Variants in INPP1 observed in about 807,000 individuals in gnomAD.
INPP1 encodes inositol polyphosphate-1-phosphatase, also known as inositol polyphosphate 1-phosphatase.
In INPP1, 18 loss-of-function variants were observed where a neutral mutation model predicts 23.0. The observed-to-expected ratio is 0.78, with a 90% CI of 0.54 to 1.16. The LOEUF (loss-of-function observed/expected upper bound fraction) is 1.16, where lower values mean the gene tolerates loss of function less well. Among genes scored for constraint, INPP1 ranks in the 50% most tolerant of loss-of-function variants. The pLI, the probability that INPP1 is intolerant of heterozygous loss-of-function variation, is 0.00. For synonymous variants in INPP1, 164 were observed against 176.3 expected, an observed-to-expected ratio of 0.93 and a Z score of 0.55; for missense variants, 448 against 482.1, an observed-to-expected ratio of 0.93 and a Z score of 0.66.
Position 190,364,606 on chromosome 2 carries a change from T to TTTTTTG in INPP1, c.265+1919_265+1920insTTTTTG, listed in dbSNP as rs796196740. 4.2e-5 allele frequency among the ~76,000 whole-genome samples: 4 copies of TTTTTTG among 96,352 alleles called. 1 individual carries two copies. The highest frequency in any genetic ancestry group is 1.5e-4 in the Admixed American group (1 of 6,742). 63.2% of individuals were successfully genotyped at this position (96,352 alleles called of 152,430 possible). On this transcript the variant is annotated intron_variant, in intron 4 of 6. Coordinates refer to ENST00000392329, the MANE Select transcript of INPP1 (RefSeq NM_001128928.2). The stretch of plus-strand genomic sequence containing the variant: ...GAGGTTCTGATTTTTTTTTTTTTTT[T>TTTTTTG]GTTAGATGGAGTCTCCCTCTGTTGC...
chr2:190,359,934 C>T (rs1306251996), intron 2 of INPP1, 105 bp from the exon 3 acceptor site: 1 of 609,938 alleles, frequency 1.6e-6, no homozygotes, highest in African/African-American at 1.8e-5. Flanking sequence ...TAGCTGTTCA[C>T]CAGGCTGACC....
intron 1 of INPP1, 73 bp downstream of exon 1, chr2:190,344,034 G>T (rs1236499242): frequency 1.5e-5 from 5 of 333,706 alleles, no homozygotes; most frequent in South Asian, 4.4e-5. Flanking sequence ...TGGATCTGGG[G>T]CCCGGGCTGG....
chr2:190,362,558 A>G, intron 3 of INPP1, 69 bp from the exon 4 acceptor site: 1 of 876,286 alleles, frequency 1.1e-6, no homozygotes, highest in Non-Finnish European at 1.8e-6. Flanking sequence ...TATAAAATTG[A>G]AATCTGTTCA....
At chr2:190,359,577 GAA>G (rs1266625317) in intron 2 of INPP1, 1 of 144,632 alleles carries the variant, frequency 6.9e-6, no homozygotes, top group Admixed American at 6.8e-5. Context: ...AAAAAAGAAA[GAA>G]AAAAGAAAGT....
At chr2:190,358,810 A>C (rs1021230135) in intron 2 of INPP1, among the ~76,000 whole-genome samples, 4 of 152,244 alleles carry the variant, frequency 2.6e-5, no homozygotes, top group South Asian at 2.1e-4. Context: ...GTATGATAGC[A>C]TAACACTCTT....
At position 190,369,237 on chromosome 2, in the gene INPP1, A is replaced by G. The variant is rs1288269355; in HGVS notation, c.601A>G (p.Ile201Val). ...IQTGVPLMGV[I>V]NQPFVSRDPN... ...GACAGGGGTTCCCCTGATGGGAGTC[A>G]TCAATCAACCTTTTGTGTCACGAGA... is the stretch of plus-strand genomic sequence containing the variant. Residue 201 changes from isoleucine to valine, a missense_variant, in exon 6 of 7, where the codon ATC becomes GTC. Coordinates refer to ENST00000392329, the MANE Select transcript of INPP1 (RefSeq NM_001128928.2). The G allele has an allele frequency of 6.3e-7, 1 of 1,598,878 alleles. No individual in the cohort carries two copies. Among genetic ancestry groups the G allele is most frequent in the Non-Finnish European group, 8.6e-7 (1 of 1,168,536 alleles).
rs749160585 is a variant in INPP1 at position 190,370,952 on chromosome 2, C to T, written c.750C>T (p.Thr250=). 35 of 1,614,118 alleles carry T rather than the reference C, an allele frequency of 2.2e-5. No individual in the cohort carries two copies. Among genetic ancestry groups the T allele is most frequent in the Non-Finnish European group, 2.7e-5 (32 of 1,180,028 alleles). The change falls in exon 7 of 7, where the codon ACC becomes ACT. Residue 250 remains threonine (T), a synonymous_variant. Transcript: ENST00000392329. ...GCAGTGAAACACACACTGGAAACAC[C>T]GGCTCTGAGGCAGCATTCTCCCCCA... ...RNGSETHTGN[T]GSEAAFSPSF... is the part of the protein sequence containing the mutation.
At chr2:190,344,024 TG>T in intron 1 of INPP1, 63 bp downstream of exon 1, 2 of 337,156 alleles carry the variant, frequency 5.9e-6, no homozygotes, top group South Asian at 2.2e-5. Flanking sequence ...CCCTCCTCCT[TG>T]GATCTGGGGC....
chr2:190,369,996 A>G (rs957339539), intron 6 of INPP1, among the ~76,000 whole-genome samples: 12 of 152,354 alleles, frequency 7.9e-5, no homozygotes, highest in East Asian at 5.8e-4. Context: ...TTTAATAGTC[A>G]TAAGTTTATA....
Position 190,363,980 on chromosome 2 carries a change from G to A in INPP1, c.265+1293G>A, listed in dbSNP as rs553547662. ...AGATTTCCCTCTCAGTGGGATGGGA[G>A]GTCTCTGGCAAATTTCAAGCAAAGG... On this transcript the variant is annotated intron_variant, in intron 4 of 6. Coordinates refer to ENST00000392329, the MANE Select transcript of INPP1 (RefSeq NM_001128928.2). This position sits in a 1 kb window ranked among gnomAD's most constrained non-coding sequence, Gnocchi z 4.4. Among the ~76,000 whole-genome samples, 5 of 152,262 alleles carry A rather than the reference G, an allele frequency of 3.3e-5. No homozygotes were observed. In the East Asian group the frequency reaches 5.8e-4, roughly 18 times the overall value.
chr2:190,360,780 C>A (rs7601131), intron 3 of INPP1, among the ~76,000 whole-genome samples: 13,957 of 132,530 alleles, frequency 0.11, 1,565 homozygotes, highest in African/African-American at 0.33. Flanking sequence ...TGCTTTGTAA[C>A]CTGTTTTTTT....
chr2:190,359,912 T>A (rs531380800), intron 2 of INPP1, 127 bp from the exon 3 acceptor site: 2 of 574,434 alleles, frequency 3.5e-6, no homozygotes, highest in African/African-American at 1.9e-5. Flanking sequence ...AGGATGTGAA[T>A]ATGATATAGA....
intron 2 of INPP1, among the ~76,000 whole-genome samples, chr2:190,357,851 A>C (rs1282710317): frequency 1.3e-5 from 2 of 152,192 alleles, no homozygotes; most frequent in African/African-American, 2.4e-5. Context: ...AAACATATAC[A>C]ATAGTCAAAG....
rs192357145 is a variant in INPP1 at position 190,347,160 on chromosome 2, C to T, written c.-208-1728C>T. On this transcript the variant is annotated intron_variant, in intron 1 of 6. Transcript: ENST00000392329. Reference sequence around the variant, plus strand: ...CCGAGTAGCTGGGATTACAGGTGCCCGCTACCACACCAGGCTAATTTTTTG... The same window carrying T: ...CCGAGTAGCTGGGATTACAGGTGCCTGCTACCACACCAGGCTAATTTTTTG... 1.6e-4 allele frequency among the ~76,000 whole-genome samples: 25 copies of T among 151,694 alleles called. No individual in the cohort carries two copies. The East Asian group carries it at 2.3e-3, about 14-fold the overall frequency.
Position 190,371,340 on chromosome 2 carries a change from C to A in INPP1, c.1138C>A (p.Arg380=). The change falls in exon 7 of 7, where the codon CGG becomes AGG. Residue 380 remains arginine (R), a synonymous_variant. Transcript: ENST00000392329. The surrounding 1 kb of genome is among the most constrained non-coding windows in gnomAD (Gnocchi z 5.3). Reference sequence around the variant, plus strand: ...ACTCATTGCATACAGATCCAGGAAGCGGCTGGAGACATTCCTGAGCCTCCT... The same window carrying A: ...ACTCATTGCATACAGATCCAGGAAGAGGCTGGAGACATTCCTGAGCCTCCT... ...GGLIAYRSRK[R]LETFLSLLVQ... The A allele has an allele frequency of 1.3e-6, 2 of 1,562,438 alleles. No homozygotes were observed. Among genetic ancestry groups the A allele is most frequent in the African/African-American group, 1.4e-5 (1 of 73,348 alleles).
In INPP1 at chr2:190,371,257, T is replaced by C. The variant is rs763474037; in HGVS notation, c.1055T>C (p.Val352Ala). Residue 352 changes from valine to alanine, a missense_variant, in exon 7 of 7, where the codon GTG becomes GCG. Transcript: ENST00000392329. This position sits in a 1 kb window ranked among gnomAD's most constrained non-coding sequence, Gnocchi z 5.3. ...PETGLDLPQLVYHVENEGAAG... is the reference protein window; with the variant it reads ...PETGLDLPQLAYHVENEGAAG... ...ACAGGGCTTGATTTGCCACAGTTGG[T>C]GTACCACGTGGAAAATGAGGGTGCT... 4 of 1,612,698 alleles carry C rather than the reference T, an allele frequency of 2.5e-6. No homozygotes were observed. Among genetic ancestry groups the C allele is most frequent in the South Asian group, 2.2e-5 (2 of 90,896 alleles).
intron 2 of INPP1, among the ~76,000 whole-genome samples, chr2:190,349,483 G>A (rs957344728): frequency 6.6e-6 from 1 of 152,140 alleles, no homozygotes; most frequent in Admixed American, 6.6e-5. Context: ...GATTAGCAGT[G>A]ATCAAAATTA....
rs146145649 is a variant in INPP1, at chr2:190,358,283, G to A, written c.-64-1756G>A. Among the ~76,000 whole-genome samples, 882 of 152,058 alleles carry A rather than the reference G, an allele frequency of 5.8e-3. 5 individuals are homozygous for A. The highest frequency in any genetic ancestry group is 0.02 in the African/African-American group (811 of 41,492). ...TTTTTAGTAGAGATTCACCATGTTG[G>A]CCAGGCTGGTTTTGAACTCCTGACC... On this transcript the variant is annotated intron_variant, in intron 2 of 6. Transcript: ENST00000392329.
rs765641528 is a variant in INPP1, at chr2:190,360,164, C to T, written c.62C>T (p.Ala21Val). ...VSEKAANIARACRQQEALFQL... is the reference protein window; with the variant it reads ...VSEKAANIARVCRQQEALFQL... The stretch of plus-strand genomic sequence containing the variant: ...GAGAAGGCTGCTAACATTGCCCGGG[C>T]GTGCAGACAGCAGGAAGCCCTCTTC... The change falls in exon 3 of 7, where the codon GCG becomes GTG. Residue 21 changes from alanine to valine, a missense_variant. Transcript: ENST00000392329. 4.3e-6 allele frequency: 7 copies of T among 1,613,974 alleles called. No individual in the cohort carries two copies. Among genetic ancestry groups the T allele is most frequent in the Middle Eastern group, 1.7e-4 (1 of 5,988 alleles).
Sources: gnomAD v4.1 joint callset for allele counts (sites outside exome capture counted in the v4.1 genomes callset) on GRCh38, gnomAD v4.1.1 for gene constraint, Gnocchi (gnomAD v3.1) non-coding constraint, MANE v1.5 for transcripts, NCBI Gene and HGNC (gene_info 2026-07-23, HGNC 2026-07-21) for gene names.